The following CDK5RAP1 variants were observed in gnomAD, a reference collection of about 807,000 sequenced individuals.
The protein encoded by CDK5RAP1 is mitochondrial tRNA methylthiotransferase CDK5RAP1.
Under a neutral mutation model 64.5 loss-of-function variants are expected in CDK5RAP1, and 62 were observed. The ratio of observed to expected loss-of-function variants is 0.96; its 90% CI spans 0.78 to 1.19. The LOEUF is 1.19. Ranked by LOEUF, CDK5RAP1 falls within the 50% of genes most tolerant of loss-of-function variation. The pLI is 0.00. For missense variants in CDK5RAP1, 657 were observed against 735.0 expected, an observed-to-expected ratio of 0.89 and a Z score of 1.23; for synonymous variants, 250 against 261.9, an observed-to-expected ratio of 0.95 and a Z score of 0.44.
chr20:33,373,941 A>G (rs1985529567), intron 9 of CDK5RAP1, 174 bp downstream of exon 9: 1 of 621,890 alleles, frequency 1.6e-6, no homozygotes, highest in South Asian at 1.9e-5. Flanking sequence ...GCCTTTGCTT[A>G]TGAAGTGAGC....
At chr20:33,381,359 C>T (rs998820624) in intron 7 of CDK5RAP1, among the ~76,000 whole-genome samples, 1 of 152,188 alleles carries the variant, frequency 6.6e-6, no homozygotes, top group African/African-American at 2.4e-5. Flanking sequence ...ATTGATACAA[C>T]ACTATTATCT....
Position 33,387,308 on chromosome 20 carries a change from T to C in CDK5RAP1, c.755+15A>G. On this transcript the variant is annotated intron_variant, in intron 6 of 13. Transcript: ENST00000346416. ...AGGAAGAGGCTTATTCCCTATCTCT[T>C]AGGCAGTGACTCACACAAAGGCAGA... 6.2e-7 allele frequency: 1 copy of C among 1,600,368 alleles called. No homozygotes were observed. Among genetic ancestry groups the C allele is most frequent in the Middle Eastern group, 1.8e-4 (1 of 5,690 alleles).
chr20:33,375,104 C>A (rs1451572156), intron 8 of CDK5RAP1, among the ~76,000 whole-genome samples: 2 of 149,748 alleles, frequency 1.3e-5, no homozygotes, highest in East Asian at 4.0e-4. Context: ...GGATTTGAAC[C>A]AAGAATACAT....
At chr20:33,372,380 T>C (rs1985202772) in intron 10 of CDK5RAP1, among the ~76,000 whole-genome samples, 1 of 151,758 alleles carries the variant, frequency 6.6e-6, no homozygotes, top group Admixed American at 6.6e-5. Flanking sequence ...TATGTCCAGA[T>C]ACAAAGACCA....
intron 2 of CDK5RAP1, 48 bp downstream of exon 2, chr20:33,396,713 A>C (rs1180046403): frequency 7.4e-7 from 1 of 1,349,292 alleles, no homozygotes; most frequent in Admixed American, 1.8e-5. Flanking sequence ...GGAATGACAG[A>C]GAGGAGCAAG....
Position 33,360,362 on chromosome 20 carries a change from C to G in CDK5RAP1, c.1672G>C (p.Val558Leu). The change falls in exon 13 of 14, where the codon GTG (valine) becomes CTG (leucine). Residue 558 changes from valine to leucine, a missense_variant. By Grantham distance (32) the Val-to-Leu change is conservative. Transcript: ENST00000346416. ...LRVRAQPGDY[V>L]LVKITSASSQ... ...AAAGGACTCCTCACCTTCACCAGCACATAGTCCCCAGGCTGGGCTCTGACC... is the reference window on the plus strand; with the variant it reads ...AAAGGACTCCTCACCTTCACCAGCAGATAGTCCCCAGGCTGGGCTCTGACC... 6.2e-7 allele frequency: 1 copy of G among 1,614,092 alleles called. No homozygotes were observed. Among genetic ancestry groups the G allele is most frequent in the Non-Finnish European group, 8.5e-7 (1 of 1,179,978 alleles).
intron 10 of CDK5RAP1, among the ~76,000 whole-genome samples, chr20:33,372,300 A>G (rs1049359272): frequency 6.6e-6 from 1 of 151,664 alleles, no homozygotes; most frequent in African/African-American, 2.4e-5. Flanking sequence ...AAAGATATCA[A>G]TTGTTCTCAA....
Position 33,382,925 on chromosome 20 carries a change from A to C in CDK5RAP1, c.876+2725T>G, listed in dbSNP as rs188603402. ...GCCAGGCACAGTGGCTCACACCTGT[A>C]ATCCTAGCCCTTTGGGAGGCTGAGC... On this transcript the variant is annotated intron_variant, in intron 7 of 13. Coordinates refer to ENST00000346416, the MANE Select transcript of CDK5RAP1 (RefSeq NM_016408.4). Among the ~76,000 whole-genome samples the C allele has an allele frequency of 1.8e-3, 272 of 152,230 alleles. 1 individual carries two copies. Among genetic ancestry groups the C allele is most frequent in the African/African-American group, 6.3e-3 (262 of 41,556 alleles).
chr20:33,393,324 ACC>A (rs1988539629), intron 4 of CDK5RAP1, among the ~76,000 whole-genome samples: 2 of 152,158 alleles, frequency 1.3e-5, no homozygotes, highest in Middle Eastern at 6.8e-3. Context: ...TATAGGTGTG[ACC>A]TACTACACCC....
chr20:33,388,105 C>T (rs1402136264), intron 5 of CDK5RAP1, among the ~76,000 whole-genome samples: 3 of 151,752 alleles, frequency 2.0e-5, no homozygotes, highest in Non-Finnish European at 4.4e-5. Flanking sequence ...ACCCACAAAC[C>T]TTTCAAGACA....
intron 5 of CDK5RAP1, among the ~76,000 whole-genome samples, chr20:33,389,412 G>A (rs573924427): frequency 4.6e-5 from 7 of 152,180 alleles, no homozygotes; most frequent in African/African-American, 1.2e-4. Context: ...GAGAAGTGAG[G>A]AGCCCCTCCG....
rs143463641 is a variant in CDK5RAP1, at chr20:33,383,323, G to A, written c.876+2327C>T. ...CGTTTTCAATAAGAAAAAAATAAAT[G>A]AGGCCAGGCGTAGTGGGCTCACACC... On this transcript the variant is annotated intron_variant, in intron 7 of 13. Coordinates refer to ENST00000346416, the MANE Select transcript of CDK5RAP1 (RefSeq NM_016408.4). Among the ~76,000 whole-genome samples, 1,489 of 151,676 alleles carry A rather than the reference G, an allele frequency of 9.8e-3. 17 individuals carry two copies. The highest frequency in any genetic ancestry group is 0.033 in the African/African-American group (1,366 of 41,388).
intron 3 of CDK5RAP1, among the ~76,000 whole-genome samples, chr20:33,394,471 T>A (rs1374271311): frequency 6.6e-6 from 1 of 150,914 alleles, no homozygotes; most frequent in Non-Finnish European, 1.5e-5. Flanking sequence ...TCTTTAACTA[T>A]TTTTTTCCTT....
chr20:33,394,098 T>C (rs1988631214), intron 3 of CDK5RAP1, 32 bp from the exon 4 acceptor site: 1 of 1,471,392 alleles, frequency 6.8e-7, no homozygotes, highest in Admixed American at 1.7e-5. Context: ...CAAGGAAAAT[T>C]ACATAATATC....
At chr20:33,381,219 T>TA (rs894340108) in intron 7 of CDK5RAP1, among the ~76,000 whole-genome samples, 3 of 16,434 alleles carry the variant, frequency 1.8e-4, no homozygotes, top group Non-Finnish European at 4.3e-4. Flanking sequence ...TATGACTACA[T>TA]TTTTTTTAAG....
rs749307888 is a variant in CDK5RAP1, at chr20:33,372,703, A to C, written c.1206-6T>G. On this transcript the variant is annotated splice_region_variant and splice_polypyrimidine_tract_variant and intron_variant, in intron 9 of 13. Transcript: ENST00000346416. ...CATAAGCTTCTCTTGAATATCTGCAATAAAGAACAAAAGGAAAAGGCCTAC... is the reference window on the plus strand; with the variant it reads ...CATAAGCTTCTCTTGAATATCTGCACTAAAGAACAAAAGGAAAAGGCCTAC... 1 of 1,580,118 alleles carries C rather than the reference A, an allele frequency of 6.3e-7. No homozygotes were observed. The highest frequency in any genetic ancestry group is 1.8e-5 in the Admixed American group (1 of 56,278).
intron 1 of CDK5RAP1, among the ~76,000 whole-genome samples, chr20:33,400,729 C>T (rs1263648728): frequency 6.6e-6 from 1 of 152,022 alleles, no homozygotes; most frequent in Non-Finnish European, 1.5e-5. Flanking sequence ...GCAGGAGAAT[C>T]GCTGGAACTC....
At chr20:33,389,518 CG>C (rs1006997817) in intron 5 of CDK5RAP1, among the ~76,000 whole-genome samples, 4 of 150,986 alleles carry the variant, frequency 2.6e-5, no homozygotes, top group African/African-American at 4.9e-5. Context: ...CCCGGCCAGC[CG>C]ACCCGTCAGG....
At chr20:33,394,178 G>A in intron 3 of CDK5RAP1, 112 bp from the exon 4 acceptor site, 2 of 581,374 alleles carry the variant, frequency 3.4e-6, no homozygotes, top group Non-Finnish European at 5.7e-6. Context: ...TTTTTTTTTT[G>A]AGACAGAGTC....
Sources: allele counts gnomAD v4.1 joint callset (sites outside exome capture counted in the v4.1 genomes callset), GRCh38; gene constraint gnomAD v4.1.1; transcripts MANE v1.5; gene names NCBI Gene and HGNC (gene_info 2026-07-23, HGNC 2026-07-21).